ZNF839: variants seen among roughly 807,000 people sequenced by gnomAD.
ZNF839 encodes renal carcinoma antigen NY-REN-50.
In ZNF839, 38 loss-of-function variants were observed where a neutral mutation model predicts 56.4. The ratio of observed to expected loss-of-function variants is 0.67; its 90% confidence interval spans 0.52 to 0.88. The LOEUF is 0.88. ZNF839 is among the 40% of genes least tolerant of loss of function. The pLI, the probability that ZNF839 is intolerant of heterozygous loss-of-function variation, is 0.00. For missense variants in ZNF839, 1,091 were observed against 1,177.6 expected, an observed-to-expected ratio of 0.93 and a Z score of 1.08; for synonymous variants, 486 against 493.5, an observed-to-expected ratio of 0.98 and a Z score of 0.20.
At chr14:102,335,982 C>G in intron 5 of ZNF839, 144 bp downstream of exon 5, 1 of 916,626 alleles carries the variant, frequency 1.1e-6, no homozygotes, top group Non-Finnish European at 1.6e-6. Context: ...AGTTTGAGAC[C>G]AGCCTGGCCA....
intron 1 of ZNF839, among the ~76,000 whole-genome samples, chr14:102,325,561 G>A (rs974680755): frequency 3.3e-5 from 5 of 151,762 alleles, no homozygotes; most frequent in Admixed American, 6.6e-5. Flanking sequence ...GCAGTGGTGC[G>A]ATCTCAGCTT....
Position 102,334,559 on chromosome 14 carries a change from C to G in ZNF839, c.1422C>G (p.Leu474=), listed in dbSNP as rs202065904. 2.5e-6 allele frequency: 4 copies of G among 1,609,760 alleles called. No homozygotes were observed. Among genetic ancestry groups the G allele is most frequent in the Non-Finnish European group, 3.4e-6 (4 of 1,177,936 alleles). Residue 474 remains leucine, a synonymous_variant, in exon 4 of 8, where the codon CTC becomes CTG. Transcript: ENST00000442396. ...SPSKARLKEF[L]QQCDREDLVE... ...GAAATGCTTTCCCTTGGTAGTTCCT[C>G]CAGCAGTGTGACCGGGAGGATCTGG... is the stretch of plus-strand genomic sequence containing the variant.
Position 102,339,194 on chromosome 14 carries a change from A to C in ZNF839, c.1898A>C (p.Lys633Thr). 6.2e-7 allele frequency: 1 copy of C among 1,612,224 alleles called. No individual in the cohort carries two copies. Among genetic ancestry groups the C allele is most frequent in the East Asian group, 2.2e-5 (1 of 44,858 alleles). Residue 633 changes from lysine to threonine, a missense_variant, in exon 7 of 8, where the codon AAG becomes ACG. Transcript: ENST00000442396. ...GCTGCCAACAGCAGAGGCCGGGAGAAGCCCAGGCCCTTGCATGCTTTGGCC... is the reference window on the plus strand; with the variant it reads ...GCTGCCAACAGCAGAGGCCGGGAGACGCCCAGGCCCTTGCATGCTTTGGCC... ...SLAANSRGRE[K>T]PRPLHALAAG... is the part of the protein sequence containing the mutation.
chr14:102,318,806 C>T (rs1054523096), upstream of ZNF839, among the ~76,000 whole-genome samples: 1 of 152,230 alleles, frequency 6.6e-6, no homozygotes, highest in African/African-American at 2.4e-5. Flanking sequence ...GGCTTCGGCG[C>T]TCATCATACT....
At chr14:102,317,892 G>T (rs1256194683), upstream of ZNF839, among the ~76,000 whole-genome samples, 1 of 152,188 alleles carries the variant, frequency 6.6e-6, no homozygotes, top group Non-Finnish European at 1.5e-5. Flanking sequence ...CGTTTCTAGG[G>T]TGGTCAGGTG....
intron 1 of ZNF839, among the ~76,000 whole-genome samples, chr14:102,322,085 T>G (rs1401500556): frequency 6.6e-6 from 1 of 152,188 alleles, no homozygotes; most frequent in Non-Finnish European, 1.5e-5. Flanking sequence ...CTTTTTCACC[T>G]GGCAAAAATT....
intron 2 of ZNF839, among the ~76,000 whole-genome samples, chr14:102,329,861 T>C (rs752475306): frequency 3.1e-4 from 46 of 146,778 alleles, no homozygotes; most frequent in Non-Finnish European, 5.9e-4. Context: ...TGGCGTAATA[T>C]CAGCTCACTG....
At chr14:102,338,755 G>T in intron 5 of ZNF839, 61 bp from the exon 6 acceptor site, 2 of 1,594,854 alleles carry the variant, frequency 1.3e-6, no homozygotes, top group Non-Finnish European at 8.6e-7. Flanking sequence ...GCATGTGAAT[G>T]TGCTTCTGGG....
Position 102,334,557 on chromosome 14 carries a change from C to T in ZNF839, c.1420C>T (p.Leu474Phe). 1 of 1,609,370 alleles carries T rather than the reference C, an allele frequency of 6.2e-7. No homozygotes were observed. Among genetic ancestry groups the T allele is most frequent in the South Asian group, 1.1e-5 (1 of 89,788 alleles). The change falls in exon 4 of 8, where the codon CTC becomes TTC. Residue 474 changes from leucine to phenylalanine, a missense_variant. This residue lies in a region of ZNF839 where 614 missense variants were observed against 629.2 expected (regional missense o/e 0.98). Transcript: ENST00000442396. ...ATGAAATGCTTTCCCTTGGTAGTTCCTCCAGCAGTGTGACCGGGAGGATCT... is the reference window on the plus strand; with the variant it reads ...ATGAAATGCTTTCCCTTGGTAGTTCTTCCAGCAGTGTGACCGGGAGGATCT... ...SPSKARLKEFLQQCDREDLVE... is the reference protein window; with the variant it reads ...SPSKARLKEFFQQCDREDLVE...
chr14:102,327,560 T>C (rs1055102404), intron 2 of ZNF839, among the ~76,000 whole-genome samples: 1 of 152,176 alleles, frequency 6.6e-6, no homozygotes, highest in African/African-American at 2.4e-5. Context: ...CACCTCTAAC[T>C]TTGGAGATTG....
At chr14:102,338,692 C>A in intron 5 of ZNF839, 124 bp from the exon 6 acceptor site, 1 of 1,346,730 alleles carries the variant, frequency 7.4e-7, no homozygotes, top group Non-Finnish European at 1.0e-6. Context: ...GATGGCATCT[C>A]ACAGTAGGTG....
intron 3 of ZNF839, 113 bp downstream of exon 3, chr14:102,331,959 G>A (rs917700276): frequency 8.2e-6 from 7 of 856,762 alleles, no homozygotes; most frequent in Non-Finnish European, 1.2e-5. Flanking sequence ...ATTGCATTAA[G>A]TGTGTGATGA....
At chr14:102,329,937 G>A (rs1196314214) in intron 2 of ZNF839, among the ~76,000 whole-genome samples, 3 of 151,196 alleles carry the variant, frequency 2.0e-5, no homozygotes, top group Non-Finnish European at 2.9e-5. Flanking sequence ...GGGATTACAG[G>A]TGCCCACCAT....
Position 102,342,188 on chromosome 14 carries a change from C to T in ZNF839, c.*9C>T. 6.3e-7 allele frequency: 1 copy of T among 1,594,104 alleles called. No homozygotes were observed. Among genetic ancestry groups the T allele is most frequent in the Non-Finnish European group, 8.6e-7 (1 of 1,167,954 alleles). On this transcript the variant is annotated 3_prime_UTR_variant, in exon 8 of 8. Coordinates refer to ENST00000442396, the MANE Select transcript of ZNF839 (RefSeq NM_018335.6). ...GCGGATGGGCCCGCTAGAAGGAGTT[C>T]CTCTAGAAGCTGTGGAGTCGGTCGT...
At chr14:102,331,130 A>G (rs1178956678) in intron 2 of ZNF839, among the ~76,000 whole-genome samples, 1 of 152,256 alleles carries the variant, frequency 6.6e-6, no homozygotes, top group African/African-American at 2.4e-5. Flanking sequence ...GATGAATTTT[A>G]TGGTATTTTA....
chr14:102,338,628 A>G (rs1316506299), intron 5 of ZNF839, among the ~76,000 whole-genome samples, 188 bp from the exon 6 acceptor site: 1 of 148,590 alleles, frequency 6.7e-6, no homozygotes, highest in African/African-American at 2.5e-5. Context: ...ATCCATTTTT[A>G]TCATCAGCTA....
chr14:102,341,153 A>G (rs750147161), intron 7 of ZNF839, 170 bp from the exon 8 acceptor site: 9 of 576,060 alleles, frequency 1.6e-5, no homozygotes, highest in African/African-American at 3.8e-5. Flanking sequence ...TGAATAGAGA[A>G]TAGGGACGTA....
At chr14:102,321,951 G>A (rs949560228) in intron 1 of ZNF839, among the ~76,000 whole-genome samples, 8 of 152,062 alleles carry the variant, frequency 5.3e-5, no homozygotes, top group Non-Finnish European at 8.8e-5. Context: ...GACACACTTG[G>A]GTCAGATCGA....
intron 2 of ZNF839, 191 bp from the exon 3 acceptor site, chr14:102,331,431 G>A: frequency 1.8e-6 from 1 of 555,330 alleles, no homozygotes; most frequent in South Asian, 2.1e-5. Flanking sequence ...TGTATTCTTA[G>A]TAGAGATGGG....
Sources: allele counts gnomAD v4.1 joint callset (sites outside exome capture counted in the v4.1 genomes callset), GRCh38; gene constraint gnomAD v4.1.1; regional missense constraint gnomAD v4.1.1; transcripts MANE v1.5; gene names NCBI Gene and HGNC (gene_info 2026-07-23, HGNC 2026-07-21).